Variants in POT1 observed in about 807,000 individuals in gnomAD.
POT1 encodes the protein protection of telomeres 1.
Under a neutral mutation model 78.5 loss-of-function variants are expected in POT1, and 47 were observed. The observed-to-expected ratio is 0.60, with a 90% CI of 0.47 to 0.76. POT1 has a LOEUF of 0.76. Among genes scored for constraint, POT1 ranks in the 30% least tolerant of loss-of-function variants. The probability of loss-of-function intolerance (pLI) is 0.00; values close to 1 mark genes in which losing one functional copy is unlikely to be tolerated. For synonymous variants in POT1, 259 were observed against 260.7 expected (o/e 0.99, Z 0.06); for missense variants, 646 against 749.9 (o/e 0.86, Z 1.62).
chr7:124,900,582 G>C (rs1172334745), intron 3 of POT1, among the ~76,000 whole-genome samples: 1 of 152,046 alleles, frequency 6.6e-6, no homozygotes, highest in African/African-American at 2.4e-5. Context: ...CTCCCAGTGT[G>C]AGCCACGCAG....
intron 2 of POT1, among the ~76,000 whole-genome samples, chr7:124,923,602 C>A (rs1032127704): frequency 3.3e-5 from 5 of 151,670 alleles, no homozygotes; most frequent in Non-Finnish European, 5.9e-5. Flanking sequence ...GTTAAAAAAA[C>A]CTATTTAAGG....
At chr7:124,847,676 C>T (rs1308341672) in intron 11 of POT1, among the ~76,000 whole-genome samples, 2 of 152,152 alleles carry the variant, frequency 1.3e-5, no homozygotes, top group Non-Finnish European at 2.9e-5. Flanking sequence ...TTTAAGACAA[C>T]ACGGTACTGG....
intron 3 of POT1, among the ~76,000 whole-genome samples, chr7:124,899,560 T>G (rs1380591013): frequency 6.6e-6 from 1 of 152,156 alleles, no homozygotes; most frequent in African/African-American, 2.4e-5. Context: ...TGAGTTACCT[T>G]TTTTCAGTTT....
chr7:124,908,300 A>G (rs1467732543), intron 3 of POT1, among the ~76,000 whole-genome samples: 7 of 152,006 alleles, frequency 4.6e-5, no homozygotes, highest in Non-Finnish European at 1.0e-4. Flanking sequence ...TTTCATGAGC[A>G]TTTGCATGTA....
intron 14 of POT1, among the ~76,000 whole-genome samples, chr7:124,838,674 C>T (rs1322248643): frequency 2.0e-5 from 3 of 151,866 alleles, no homozygotes; most frequent in East Asian, 1.9e-4. Context: ...GGCGCGATCT[C>T]GGCTCACCGC....
intron 3 of POT1, among the ~76,000 whole-genome samples, chr7:124,899,821 T>C (rs767355737): frequency 2.6e-5 from 4 of 152,268 alleles, no homozygotes; most frequent in East Asian, 1.9e-4. Flanking sequence ...CAAATGCAAA[T>C]GTTAGAGTAC....
At chr7:124,885,405 G>A (rs1296489660) in intron 6 of POT1, among the ~76,000 whole-genome samples, 1 of 151,776 alleles carries the variant, frequency 6.6e-6, no homozygotes, top group Non-Finnish European at 1.5e-5. Context: ...CCCAGCAGTC[G>A]AGGCTGAGGT....
chr7:124,912,659 T>C (rs1796919061), intron 3 of POT1, among the ~76,000 whole-genome samples: 1 of 152,186 alleles, frequency 6.6e-6, no homozygotes, highest in Non-Finnish European at 1.5e-5. Flanking sequence ...TGTCTAGGAA[T>C]AGGGCCTGAC....
rs80001742 is a variant in POT1 at position 124,927,838 on chromosome 7, A to T, written c.-227+977T>A. ...TCCTTGTTGGCTAGGAATTAGAAAC[A>T]GAAGTTTCCTGAATTTCTCTTTGCC... On this transcript the variant is annotated intron_variant, in intron 2 of 18. Transcript: ENST00000357628. 6.4e-4 allele frequency among the ~76,000 whole-genome samples: 97 copies of T among 152,308 alleles called. 3 individuals carry two copies. The East Asian group carries it at 0.018, about 29-fold the overall frequency.
intron 6 of POT1, among the ~76,000 whole-genome samples, chr7:124,876,299 G>A (rs1313523150): frequency 6.6e-6 from 1 of 152,088 alleles, no homozygotes; most frequent in African/African-American, 2.4e-5. Flanking sequence ...TCGCACTGCT[G>A]TATAATATTT....
intron 3 of POT1, among the ~76,000 whole-genome samples, chr7:124,898,610 C>A (rs1217652923): frequency 6.6e-6 from 1 of 151,856 alleles, no homozygotes; most frequent in Non-Finnish European, 1.5e-5. Flanking sequence ...CAATAACGTC[C>A]CACTTCATGG....
At position 124,841,159 on chromosome 7, in the gene POT1, C is replaced by G. The variant is rs757373061; in HGVS notation, c.1183G>C (p.Gly395Arg). 6.2e-7 allele frequency: 1 copy of G among 1,611,702 alleles called. No individual in the cohort carries two copies. The highest frequency in any genetic ancestry group is 1.1e-5 in the South Asian group (1 of 90,608). ...CHLLQEVPHE[G>R]DLDIIFQDGA... ...TCCTGAAAAATTATATCCAAATCGC[C>G]CTCATGTGGAACTTCTTGCCTAAAA... The change falls in exon 14 of 19, where the codon GGC (glycine) becomes CGC (arginine). Residue 395 changes from glycine to arginine, a missense_variant. Gly to Arg is a moderately radical substitution (Grantham distance 125). Around this residue, in one of 2 missense-constraint regions of POT1, gnomAD observed 394 missense variants for 408.4 expected, o/e 0.96. Transcript: ENST00000357628.
chr7:124,858,908 C>G lies in POT1; in HGVS notation c.702+49G>C, dbSNP rs766298577. 41 of 1,419,054 alleles carry G rather than the reference C, an allele frequency of 2.9e-5. No individual in the cohort carries two copies. In the South Asian group the frequency reaches 5.9e-4, roughly 20 times the overall value. 87.9% of individuals were successfully genotyped at this position (1,419,054 alleles called of 1,614,324 possible). ...AAAAAATTTACATGAGCAAAAATCACTATAATTTATAAAAACATAAAATAA... is the reference window on the plus strand; with the variant it reads ...AAAAAATTTACATGAGCAAAAATCAGTATAATTTATAAAAACATAAAATAA... On this transcript the variant is annotated intron_variant, in intron 9 of 18. Coordinates refer to ENST00000357628, the MANE Select transcript of POT1 (RefSeq NM_015450.3).
chr7:124,843,928 A>C (rs1359672383), intron 12 of POT1, among the ~76,000 whole-genome samples: 2 of 152,198 alleles, frequency 1.3e-5, no homozygotes, highest in Non-Finnish European at 2.9e-5. Flanking sequence ...ACTTAATTAG[A>C]TATTTCAAGT....
At chr7:124,869,087 T>C (rs1168837871) in intron 7 of POT1, among the ~76,000 whole-genome samples, 1 of 152,190 alleles carries the variant, frequency 6.6e-6, no homozygotes, top group Non-Finnish European at 1.5e-5. Context: ...TATACAGTGA[T>C]AATACCGCAT....
intron 6 of POT1, among the ~76,000 whole-genome samples, chr7:124,872,434 G>A (rs2116572132): frequency 6.6e-6 from 1 of 152,264 alleles, no homozygotes; most frequent in South Asian, 2.1e-4. Flanking sequence ...AATAAACAAT[G>A]TGAATCATCT....
chr7:124,855,650 A>G (rs940060735), intron 9 of POT1, among the ~76,000 whole-genome samples: 1 of 151,862 alleles, frequency 6.6e-6, no homozygotes, highest in African/African-American at 2.4e-5. Flanking sequence ...ATAGAAGTCT[A>G]TTTAAATACT....
chr7:124,858,375 T>A (rs1795498254), intron 9 of POT1, among the ~76,000 whole-genome samples: 2 of 152,150 alleles, frequency 1.3e-5, no homozygotes. Flanking sequence ...GAAAAGAAAT[T>A]CCCTACAATT....
intron 3 of POT1, among the ~76,000 whole-genome samples, chr7:124,904,114 T>C (rs1796697907): frequency 6.6e-6 from 1 of 152,222 alleles, no homozygotes; most frequent in South Asian, 2.1e-4. Context: ...CCATTCCTTC[T>C]GAAACTATTC....
Sources: allele counts gnomAD v4.1 joint callset (sites outside exome capture counted in the v4.1 genomes callset), GRCh38; gene constraint gnomAD v4.1.1; regional missense constraint gnomAD v4.1.1; transcripts MANE v1.5; gene names NCBI Gene and HGNC (gene_info 2026-07-23, HGNC 2026-07-21).